CRMP1: variants seen among roughly 807,000 people sequenced by gnomAD.
CRMP1 encodes the protein dihydropyrimidinase-related protein 1.
Under a neutral mutation model 68.3 loss-of-function variants are expected in CRMP1, and 19 were observed. That is an observed-to-expected ratio of 0.28 (90% CI 0.19 to 0.41). The LOEUF is 0.41. Ranked by LOEUF, CRMP1 falls within the 10% of genes least tolerant of loss-of-function variation. The pLI is 1.00. For synonymous variants in CRMP1, 439 were observed against 399.6 expected (o/e 1.10, Z -1.18); for missense variants, 791 against 967.4 (o/e 0.82, Z 2.42).
At chr4:5,835,594 C>A (rs1720676245) in intron 11 of CRMP1, among the ~76,000 whole-genome samples, 1 of 152,196 alleles carries the variant, frequency 6.6e-6, no homozygotes, top group Admixed American at 6.5e-5. Context: ...CTAATACTTT[C>A]CCTCGCTGAG....
Position 5,842,434 on chromosome 4 carries a change from A to C in CRMP1, c.1032+659T>G. Among the ~76,000 whole-genome samples the C allele has an allele frequency of 6.7e-6, 1 of 149,664 alleles. No individual in the cohort carries two copies. On this transcript the variant is annotated intron_variant, in intron 7 of 13. Transcript: ENST00000324989. The surrounding 1 kb of genome is among the most constrained non-coding windows in gnomAD (Gnocchi z 4.5). ...ACAGAGAGAGACTCCATCTCAAAAAAAAAAAAAAAAAAAGAAAAGAAAGAA... is the reference window on the plus strand; with the variant it reads ...ACAGAGAGAGACTCCATCTCAAAAACAAAAAAAAAAAAAGAAAAGAAAGAA...
chr4:5,839,441 G>C lies in CRMP1; in HGVS notation c.1310+81C>G, dbSNP rs16837720. The stretch of plus-strand genomic sequence containing the variant: ...CCTCTACAATCATGAGTCCAAACCA[G>C]CCTGCGGATTCCCACCATTAACTCT... On this transcript the variant is annotated intron_variant, in intron 9 of 13. Coordinates refer to ENST00000324989, the MANE Select transcript of CRMP1 (RefSeq NM_001014809.3). 3,932 of 1,509,760 alleles carry C rather than the reference G, an allele frequency of 2.6e-3. 85 individuals carry two copies. The African/African-American group carries it at 0.046, about 18-fold the overall frequency. The allele number at this position is 1,509,760 out of a possible 1,614,324, so 93.5% of individuals were successfully genotyped here. A position where few individuals can be genotyped will look rare whatever the true frequency, so the allele number is the denominator to read the frequency against.
At position 5,884,163 on chromosome 4, in the gene CRMP1, C is replaced by T. The variant is rs1338937098; in HGVS notation, c.381+8426G>A. 2.6e-5 allele frequency among the ~76,000 whole-genome samples: 4 copies of T among 152,180 alleles called. No homozygotes were observed. The East Asian group carries it at 7.7e-4, about 29-fold the overall frequency. ...CTATTCGACTTCCATCTGATTTCACCATATGCATGACAAATCACTGTGGAC... is the reference window on the plus strand; with the variant it reads ...CTATTCGACTTCCATCTGATTTCACTATATGCATGACAAATCACTGTGGAC... On this transcript the variant is annotated intron_variant, in intron 1 of 13. Transcript: ENST00000324989.
chr4:5,863,567 G>A (rs1189486412), intron 2 of CRMP1, among the ~76,000 whole-genome samples: 2 of 152,170 alleles, frequency 1.3e-5, no homozygotes, highest in Non-Finnish European at 2.9e-5. Context: ...GCTGGAAAGG[G>A]AAGGAGGAGA....
In CRMP1 at chr4:5,865,513, C is replaced by T. The variant is rs1273725429; in HGVS notation, c.470+1155G>A. Among the ~76,000 whole-genome samples, 1 of 149,718 alleles carries T rather than the reference C, an allele frequency of 6.7e-6. No homozygotes were observed. Among genetic ancestry groups the T allele is most frequent in the Non-Finnish European group, 1.5e-5 (1 of 67,746 alleles). On this transcript the variant is annotated intron_variant, in intron 2 of 13. Transcript: ENST00000324989. This position sits in a 1 kb window ranked among gnomAD's most constrained non-coding sequence, Gnocchi z 4.1. Reference sequence around the variant, plus strand: ...ATGCATGCCTGTAGTCCTAGCTACTCGGGAGGCTGAGGCAGGGGAGTCGAT... The same window carrying T: ...ATGCATGCCTGTAGTCCTAGCTACTTGGGAGGCTGAGGCAGGGGAGTCGAT...
rs1002109217 is a variant in CRMP1, at chr4:5,854,971, G to A, written c.820+1172C>T. ...ACCGTAACAGGATTTATAATAAAACGAATAGAAAGCATAAATGCCCAATAA... is the reference window on the plus strand; with the variant it reads ...ACCGTAACAGGATTTATAATAAAACAAATAGAAAGCATAAATGCCCAATAA... On this transcript the variant is annotated intron_variant, in intron 4 of 13. Transcript: ENST00000324989. This position sits in a 1 kb window ranked among gnomAD's most constrained non-coding sequence, Gnocchi z 4.0. Among the ~76,000 whole-genome samples the A allele has an allele frequency of 6.6e-6, 1 of 152,010 alleles. No individual in the cohort carries two copies. The highest frequency in any genetic ancestry group is 1.5e-5 in the Non-Finnish European group (1 of 68,000).
chr4:5,887,346 C>A (rs1195559274), intron 1 of CRMP1: 6 of 984,208 alleles, frequency 6.1e-6, no homozygotes, highest in Non-Finnish European at 7.2e-6. Flanking sequence ...GATTCCACCA[C>A]GCCCAGAATC....
rs1713501259 is a variant in CRMP1, at chr4:5,860,866, G to A, written c.655+160C>T. Among the ~76,000 whole-genome samples the A allele has an allele frequency of 6.6e-6, 1 of 152,188 alleles. No individual in the cohort carries two copies. Among genetic ancestry groups the A allele is most frequent in the African/African-American group, 2.4e-5 (1 of 41,446 alleles). Reference sequence around the variant, plus strand: ...GTGGCCCCAGTGGCACACACGGTATGCTCTGTAAAACAGTGACCTGTGTCA... The same window carrying A: ...GTGGCCCCAGTGGCACACACGGTATACTCTGTAAAACAGTGACCTGTGTCA... On this transcript the variant is annotated intron_variant, in intron 3 of 13. Transcript: ENST00000324989. The surrounding 1 kb of genome is among the most constrained non-coding windows in gnomAD (Gnocchi z 4.2).
At position 5,888,511 on chromosome 4, in the gene CRMP1, G is replaced by A; in HGVS notation, c.381+4078C>T. ...GAGGGCGGGAGAAGGAGGAGGGAGA[G>A]GCGAGGGCGGGAGGAGGGGGCTGCA... is the stretch of plus-strand genomic sequence containing the variant. On this transcript the variant is annotated intron_variant, in intron 1 of 13. Transcript: ENST00000324989. This position sits in a 1 kb window ranked among gnomAD's most constrained non-coding sequence, Gnocchi z 6.4. 8.4e-7 allele frequency: 1 copy of A among 1,191,548 alleles called. No homozygotes were observed. Among genetic ancestry groups the A allele is most frequent in the Non-Finnish European group, 1.0e-6 (1 of 962,356 alleles). The allele number at this position is 1,191,548 out of a possible 1,614,324, so 73.8% of individuals were successfully genotyped here.
chr4:5,887,589 C>A (rs1325378681), intron 1 of CRMP1: 10 of 984,886 alleles, frequency 1.0e-5, no homozygotes, highest in Non-Finnish European at 1.2e-5. Flanking sequence ...ACCGTCCCCA[C>A]CCTCTCGCGG....
rs1473682707 is a variant in CRMP1, at chr4:5,838,993, G to A, written c.1310+529C>T. On this transcript the variant is annotated intron_variant, in intron 9 of 13. Transcript: ENST00000324989. The surrounding 1 kb of genome is among the most constrained non-coding windows in gnomAD (Gnocchi z 4.9). ...TGCTCTTCCCTCCTGGTGGCTAACA[G>A]AAGGGAAGGGGCTGAGGTGCTGGGC... 6.6e-6 allele frequency among the ~76,000 whole-genome samples: 1 copy of A among 152,208 alleles called. No homozygotes were observed. Among genetic ancestry groups the A allele is most frequent in the Non-Finnish European group, 1.5e-5 (1 of 68,044 alleles).
At chr4:5,852,666 G>C (rs897996084) in intron 4 of CRMP1, among the ~76,000 whole-genome samples, 1 of 152,360 alleles carries the variant, frequency 6.6e-6, no homozygotes, top group African/African-American at 2.4e-5. Flanking sequence ...TCTCTGTGCA[G>C]GTCCCAGCCA....
At position 5,861,255 on chromosome 4, in the gene CRMP1, T is replaced by C. The variant is rs772900924; in HGVS notation, c.471-45A>G. ...ACAGCCTTGGTTCTTAAAGGAAAAGTAGAATGGGCAGTCAACCCGCAGCTT... is the reference window on the plus strand; with the variant it reads ...ACAGCCTTGGTTCTTAAAGGAAAAGCAGAATGGGCAGTCAACCCGCAGCTT... On this transcript the variant is annotated intron_variant, in intron 2 of 13. Transcript: ENST00000324989. The surrounding 1 kb of genome is among the most constrained non-coding windows in gnomAD (Gnocchi z 6.0). 1 of 1,578,500 alleles carries C rather than the reference T, an allele frequency of 6.3e-7. No homozygotes were observed. The highest frequency in any genetic ancestry group is 8.6e-7 in the Non-Finnish European group (1 of 1,157,778).
At position 5,892,469 on chromosome 4, in the gene CRMP1, C is replaced by G. The variant is rs1715995448; in HGVS notation, c.381+120G>C. On this transcript the variant is annotated intron_variant, in intron 1 of 13. Transcript: ENST00000324989. This position sits in a 1 kb window ranked among gnomAD's most constrained non-coding sequence, Gnocchi z 8.6. The stretch of plus-strand genomic sequence containing the variant: ...GGGGGAGGGGCCGCGCCGTGGCTCT[C>G]CCCAGCCTGGCGGCCGCTGCCCCAA... The G allele has an allele frequency of 5.8e-6, 6 of 1,029,672 alleles. No homozygotes were observed. The South Asian group carries it at 2.4e-4, about 42-fold the overall frequency. 63.8% of individuals were successfully genotyped at this position (1,029,672 alleles called of 1,614,324 possible).
intron 1 of CRMP1, among the ~76,000 whole-genome samples, chr4:5,869,128 T>A (rs1403238810): frequency 4.0e-4 from 61 of 152,090 alleles, no homozygotes; most frequent in Admixed American, 4.0e-3. Flanking sequence ...AATTTAAATT[T>A]TTTTTGTAGA....
chr4:5,854,557 T>C lies in CRMP1; in HGVS notation c.820+1586A>G, dbSNP rs1712906125. ...ACCATGGCCAATAATGCCTTCTTGA[T>C]AGAAAGAGCTTAAACAGACATATGA... is the stretch of plus-strand genomic sequence containing the variant. On this transcript the variant is annotated intron_variant, in intron 4 of 13. Transcript: ENST00000324989. The surrounding 1 kb of genome is among the most constrained non-coding windows in gnomAD (Gnocchi z 4.0). 6.6e-6 allele frequency among the ~76,000 whole-genome samples: 1 copy of C among 151,990 alleles called. No homozygotes were observed. Among genetic ancestry groups the C allele is most frequent in the African/African-American group, 2.4e-5 (1 of 41,376 alleles).
chr4:5,842,471 A>T lies in CRMP1; in HGVS notation c.1032+622T>A, dbSNP rs1711823341. On this transcript the variant is annotated intron_variant, in intron 7 of 13. Coordinates refer to ENST00000324989, the MANE Select transcript of CRMP1 (RefSeq NM_001014809.3). The surrounding 1 kb of genome is among the most constrained non-coding windows in gnomAD (Gnocchi z 4.5). ...AAGAAAAGAAAGAAAGAAAGTAAAA[A>T]GAAGGTGTCCTCAACTCAAAGGATG... Among the ~76,000 whole-genome samples the T allele has an allele frequency of 6.6e-6, 1 of 151,522 alleles. No homozygotes were observed. Among genetic ancestry groups the T allele is most frequent in the South Asian group, 2.1e-4 (1 of 4,792 alleles).
Position 5,883,290 on chromosome 4 carries a change from ATCTT to A in CRMP1, c.381+9295_381+9298del, listed in dbSNP as rs1715339048. 7.8e-6 allele frequency among the ~76,000 whole-genome samples: 1 copy of A among 129,000 alleles called. No homozygotes were observed. The allele number at this position is 129,000 out of a possible 152,430, so 84.6% of individuals were successfully genotyped here. Reference sequence around the variant, plus strand: ...TCCCTCCCTCCCTTCCTGTCTTTCTATCTTTCTCTTTCTTTCTTCTTTTTTGTTT... The same window carrying A: ...TCCCTCCCTCCCTTCCTGTCTTTCTATCTCTTTCTTTCTTCTTTTTTGTTT... On this transcript the variant is annotated intron_variant, in intron 1 of 13. Transcript: ENST00000324989. This position sits in a 1 kb window ranked among gnomAD's most constrained non-coding sequence, Gnocchi z 4.5.
At position 5,838,107 on chromosome 4, in the gene CRMP1, G is replaced by A. The variant is rs1252793860; in HGVS notation, c.1311-1201C>T. Among the ~76,000 whole-genome samples the A allele has an allele frequency of 2.6e-5, 4 of 152,146 alleles. No homozygotes were observed. Among genetic ancestry groups the A allele is most frequent in the Non-Finnish European group, 4.4e-5 (3 of 68,024 alleles). ...ATAATCAGAAAATTACGTCACTGAG[G>A]AGCCTTCTAGCAAAGATCTGAAGGA... On this transcript the variant is annotated intron_variant, in intron 9 of 13. Transcript: ENST00000324989. The surrounding 1 kb of genome is among the most constrained non-coding windows in gnomAD (Gnocchi z 4.9).
Sources: allele counts gnomAD v4.1 joint callset (sites outside exome capture counted in the v4.1 genomes callset), GRCh38; gene constraint gnomAD v4.1.1; non-coding constraint Gnocchi (gnomAD v3.1); transcripts MANE v1.5; gene names NCBI Gene and HGNC (gene_info 2026-07-23, HGNC 2026-07-21).